Variants in MOB1B observed in about 807,000 individuals in gnomAD.
MOB1B encodes MOB1 Mps One Binder homolog B.
MOB1B carries 19 observed loss-of-function variants against 24.4 expected under a neutral mutation model. The ratio of observed to expected loss-of-function variants is 0.78; its 90% CI spans 0.54 to 1.14. The LOEUF is 1.14. Ranked by LOEUF, MOB1B falls within the 50% of genes most tolerant of loss-of-function variation. MOB1B has a pLI of 0.00. For missense variants in MOB1B, 243 were observed against 259.6 expected (o/e 0.94, Z 0.44); for synonymous variants, 76 against 82.1 (o/e 0.93, Z 0.40).
chr4:70,956,138 T>C (rs1383394974), intron 1 of MOB1B, among the ~76,000 whole-genome samples: 1 of 152,198 alleles, frequency 6.6e-6, no homozygotes, highest in Non-Finnish European at 1.5e-5. Flanking sequence ...AGTGTGGGCC[T>C]AGAGCTTGAC....
At chr4:70,970,826 A>G (rs1050047576) in intron 3 of MOB1B, among the ~76,000 whole-genome samples, 3 of 152,240 alleles carry the variant, frequency 2.0e-5, no homozygotes, top group Non-Finnish European at 4.4e-5. Flanking sequence ...AAAAATATGG[A>G]GATACCATAT....
intron 3 of MOB1B, 55 bp from the exon 4 acceptor site, chr4:70,975,098 C>G (rs2148902378): frequency 1.5e-6 from 2 of 1,303,522 alleles, no homozygotes; most frequent in African/African-American, 3.0e-5. Flanking sequence ...AAAATATATA[C>G]ACTGTGTATA....
intron 1 of MOB1B, among the ~76,000 whole-genome samples, chr4:70,918,767 A>T (rs1199517992): frequency 6.6e-6 from 1 of 152,130 alleles, no homozygotes; most frequent in Non-Finnish European, 1.5e-5. Context: ...GTCCTTGCCC[A>T]TGCCTGTGTC....
rs114802190 is a variant in MOB1B, at chr4:70,917,877, A to G, written c.14+15327A>G. Among the ~76,000 whole-genome samples the G allele has an allele frequency of 2.5e-3, 374 of 152,342 alleles. 2 individuals are homozygous for G. The highest frequency in any genetic ancestry group is 8.5e-3 in the African/African-American group (353 of 41,576). ...ATAAACTATCTTAAACAGTTTCAGTATCAGTTGGTTTAAAATGAAAATTGG... is the reference window on the plus strand; with the variant it reads ...ATAAACTATCTTAAACAGTTTCAGTGTCAGTTGGTTTAAAATGAAAATTGG... On this transcript the variant is annotated intron_variant, in intron 1 of 5. Coordinates refer to ENST00000309395, the MANE Select transcript of MOB1B (RefSeq NM_173468.4).
rs1414999411 is a variant in MOB1B, at chr4:70,902,542, C to T, written c.6C>T (p.Ser2=). The stretch of plus-strand genomic sequence containing the variant: ...CAGCCTGCCCCGCGGCCAACATGAG[C>T]TTCTTGTTGTGAGTAGCCAGGCCCC... M[S]FLFGSRSSKT... The change falls in exon 1 of 6, where the codon AGC becomes AGT. Residue 2 remains serine, a synonymous_variant. Coordinates refer to ENST00000309395, the MANE Select transcript of MOB1B (RefSeq NM_173468.4). The T allele has an allele frequency of 2.6e-6, 4 of 1,564,676 alleles. No homozygotes were observed. The highest frequency in any genetic ancestry group is 3.5e-6 in the Non-Finnish European group (4 of 1,155,730).
At chr4:70,910,396 T>C (rs1735932266) in intron 1 of MOB1B, among the ~76,000 whole-genome samples, 1 of 151,902 alleles carries the variant, frequency 6.6e-6, no homozygotes, top group South Asian at 2.1e-4. Flanking sequence ...TATATAGATA[T>C]ATATACACAT....
At chr4:70,952,953 T>A (rs1211355549) in intron 1 of MOB1B, among the ~76,000 whole-genome samples, 3 of 141,772 alleles carry the variant, frequency 2.1e-5, no homozygotes, top group Non-Finnish European at 4.6e-5. Flanking sequence ...TTTTTTTTTT[T>A]TTTTTTTGAG....
intron 1 of MOB1B, among the ~76,000 whole-genome samples, chr4:70,928,758 A>C (rs1244418243): frequency 6.6e-6 from 1 of 152,150 alleles, no homozygotes; most frequent in Non-Finnish European, 1.5e-5. Flanking sequence ...TAATAAAAAA[A>C]CTTTTTTTTA....
intron 2 of MOB1B, among the ~76,000 whole-genome samples, chr4:70,961,763 T>C (rs1738314555): frequency 1.3e-5 from 2 of 152,174 alleles, no homozygotes; most frequent in East Asian, 1.9e-4. Context: ...GTGAATAGGG[T>C]TGGAGTCAGG....
chr4:70,970,856 G>A (rs1738723573), intron 3 of MOB1B, among the ~76,000 whole-genome samples: 1 of 152,216 alleles, frequency 6.6e-6, no homozygotes, highest in African/African-American at 2.4e-5. Flanking sequence ...AAAGAAGTTG[G>A]CAGTTCTCAG....
chr4:70,916,672 A>G (rs1736208474), intron 1 of MOB1B, among the ~76,000 whole-genome samples: 1 of 152,158 alleles, frequency 6.6e-6, no homozygotes, highest in South Asian at 2.1e-4. Flanking sequence ...GGTTCAAGCA[A>G]TTCTCCTCCC....
intron 1 of MOB1B, among the ~76,000 whole-genome samples, chr4:70,928,758 A>T (rs1244418243): frequency 2.0e-5 from 3 of 152,150 alleles, no homozygotes; most frequent in Admixed American, 2.0e-4. Context: ...TAATAAAAAA[A>T]CTTTTTTTTA....
intron 4 of MOB1B, 180 bp downstream of exon 4, chr4:70,975,466 A>C: frequency 7.5e-7 from 1 of 1,332,278 alleles, no homozygotes; most frequent in Non-Finnish European, 9.6e-7. Flanking sequence ...TGGTAAAATA[A>C]GCAAGTGATC....
intron 1 of MOB1B, among the ~76,000 whole-genome samples, chr4:70,919,476 C>G (rs1736336364): frequency 6.6e-6 from 1 of 152,106 alleles, no homozygotes; most frequent in Non-Finnish European, 1.5e-5. Flanking sequence ...TGTTCTTACA[C>G]ACATTGTATG....
chr4:70,981,947 T>C lies in MOB1B; in HGVS notation c.574-33T>C, dbSNP rs150887482. The C allele has an allele frequency of 1.0e-4, 138 of 1,352,616 alleles. No homozygotes were observed. The East Asian group carries it at 3.1e-3, about 31-fold the overall frequency. 83.8% of individuals were successfully genotyped at this position (1,352,616 alleles called of 1,614,324 possible). On this transcript the variant is annotated intron_variant, in intron 5 of 5. Coordinates refer to ENST00000309395, the MANE Select transcript of MOB1B (RefSeq NM_173468.4). ...AATAAGATGCAAATAATGTTTTTGC[T>C]ATTTATTCTGCCTTTCTTTATATCA...
At chr4:70,907,161 T>G (rs1326774376) in intron 1 of MOB1B, among the ~76,000 whole-genome samples, 1 of 152,184 alleles carries the variant, frequency 6.6e-6, no homozygotes, top group African/African-American at 2.4e-5. Context: ...AGGGGTCTAT[T>G]AGTAACATGG....
At chr4:70,903,974 CTTT>C (rs754257097) in intron 1 of MOB1B, among the ~76,000 whole-genome samples, 1 of 81,018 alleles carries the variant, frequency 1.2e-5, no homozygotes, top group Non-Finnish European at 2.1e-5. Context: ...TATTTTAGTT[CTTT>C]TTTTTTTTTT....
intron 1 of MOB1B, among the ~76,000 whole-genome samples, chr4:70,913,496 G>A (rs1736080288): frequency 6.6e-6 from 1 of 151,864 alleles, no homozygotes; most frequent in Admixed American, 6.6e-5. Context: ...AGCCCACATT[G>A]CCAGGGCTGG....
intron 3 of MOB1B, among the ~76,000 whole-genome samples, chr4:70,970,229 G>T (rs1211310310): frequency 6.6e-6 from 1 of 151,958 alleles, no homozygotes; most frequent in Non-Finnish European, 1.5e-5. Flanking sequence ...TCTCTAGTCT[G>T]TCCTAACTGG....
Sources: allele counts gnomAD v4.1 joint callset (sites outside exome capture counted in the v4.1 genomes callset), GRCh38; gene constraint gnomAD v4.1.1; transcripts MANE v1.5; gene names NCBI Gene and HGNC (gene_info 2026-07-23, HGNC 2026-07-21).